Variants in FAM107B observed in about 807,000 individuals in gnomAD.
FAM107B encodes the protein protein FAM107B.
Under a neutral mutation model 31.5 loss-of-function variants are expected in FAM107B, and 21 were observed. That is an observed-to-expected ratio of 0.67 (90% CI 0.47 to 0.96). FAM107B has a LOEUF of 0.96. Ranked by LOEUF, FAM107B falls within the 40% of genes least tolerant of loss-of-function variation. FAM107B has a pLI of 0.00. For missense variants in FAM107B, 452 were observed against 377.1 expected (o/e 1.20, Z -1.64); for synonymous variants, 157 against 141.5 (o/e 1.11, Z -0.78).
intron 1 of FAM107B, among the ~76,000 whole-genome samples, chr10:14,691,640 T>C (rs1156654449): frequency 1.3e-5 from 2 of 152,152 alleles, no homozygotes; most frequent in Admixed American, 1.3e-4. Flanking sequence ...ATGCCTGTAA[T>C]CCTAGCCCTT....
chr10:14,641,755 T>C (rs572834978), intron 2 of FAM107B, among the ~76,000 whole-genome samples: 10 of 152,316 alleles, frequency 6.6e-5, no homozygotes, highest in African/African-American at 2.2e-4. Flanking sequence ...CATTGAGGAT[T>C]AGGGCTTCCA....
intron 1 of FAM107B, among the ~76,000 whole-genome samples, chr10:14,697,746 T>C (rs1451787230): frequency 6.6e-6 from 1 of 152,222 alleles, no homozygotes; most frequent in Non-Finnish European, 1.5e-5. Context: ...CTACCTAGAC[T>C]GTTTCTACAA....
rs527966603 is a variant in FAM107B at position 14,522,157 on chromosome 10, C to T, written c.654-138G>A. ...ATGATACCTACTAGGCTACAGCAGG[C>T]AACATGGTGATCTAAGAAATTCACC... On this transcript the variant is annotated intron_variant, in intron 3 of 4. Coordinates refer to ENST00000181796, the MANE Select transcript of FAM107B (RefSeq NM_031453.4). The T allele has an allele frequency of 5.7e-5, 63 of 1,096,864 alleles. No individual in the cohort carries two copies. In the Admixed American group the frequency reaches 1.4e-3, roughly 24 times the overall value. The allele number at this position is 1,096,864 out of a possible 1,614,324, so 67.9% of individuals were successfully genotyped here. A position where few individuals can be genotyped will look rare whatever the true frequency, so the allele number is the denominator to read the frequency against.
intron 2 of FAM107B, among the ~76,000 whole-genome samples, chr10:14,534,269 C>A (rs115981899): frequency 3.9e-5 from 6 of 152,022 alleles, no homozygotes; most frequent in Non-Finnish European, 7.4e-5. Context: ...AGGGGGTGAA[C>A]GGGCCGGAGC....
chr10:14,654,463 T>C lies in FAM107B; in HGVS notation c.469+13171A>G, dbSNP rs187165502. Among the ~76,000 whole-genome samples the C allele has an allele frequency of 2.1e-3, 324 of 152,366 alleles. 1 individual carries two copies. The highest frequency in any genetic ancestry group is 3.7e-3 in the Non-Finnish European group (253 of 68,034). ...TTGGAGAAAGGTCTTTAGTAACATATTGCTGTTGCGTTTTATTATCTCTTG... is the reference window on the plus strand; with the variant it reads ...TTGGAGAAAGGTCTTTAGTAACATACTGCTGTTGCGTTTTATTATCTCTTG... On this transcript the variant is annotated intron_variant, in intron 2 of 4. Transcript: ENST00000181796.
At chr10:14,770,479 C>G (rs1473325949) in intron 1 of FAM107B, among the ~76,000 whole-genome samples, 1 of 152,028 alleles carries the variant, frequency 6.6e-6, no homozygotes, top group Non-Finnish European at 1.5e-5. Context: ...GCCGAGATCG[C>G]ACCACTACAC....
At chr10:14,724,089 C>G (rs1855975049) in intron 1 of FAM107B, 1 of 619,704 alleles carries the variant, frequency 1.6e-6, no homozygotes, top group African/African-American at 1.8e-5. Flanking sequence ...TGATGGGAAT[C>G]CAGAACAATG....
Position 14,667,703 on chromosome 10 carries a change from C to G in FAM107B, c.412-12G>C, listed in dbSNP as rs995445702. ...CGAAATTCTTCTTCCTAAGCGCCAGCCCCATAAACCAGAAAAGCAGGGAGA... is the reference window on the plus strand; with the variant it reads ...CGAAATTCTTCTTCCTAAGCGCCAGGCCCATAAACCAGAAAAGCAGGGAGA... On this transcript the variant is annotated splice_polypyrimidine_tract_variant and intron_variant, in intron 1 of 4. Transcript: ENST00000181796. 22 of 1,613,622 alleles carry G rather than the reference C, an allele frequency of 1.4e-5. No individual in the cohort carries two copies. The highest frequency in any genetic ancestry group is 1.9e-5 in the Non-Finnish European group (22 of 1,179,830).
At chr10:14,717,988 A>T (rs549299721) in intron 1 of FAM107B, among the ~76,000 whole-genome samples, 5 of 152,318 alleles carry the variant, frequency 3.3e-5, no homozygotes, top group African/African-American at 1.2e-4. Context: ...AGCTAACAAA[A>T]GATCATGTTT....
intron 2 of FAM107B, among the ~76,000 whole-genome samples, chr10:14,631,892 G>A (rs1463930435): frequency 1.3e-5 from 2 of 152,178 alleles, no homozygotes; most frequent in East Asian, 3.9e-4. Flanking sequence ...CGAGCATTAA[G>A]CCAAGTGACG....
intron 1 of FAM107B, among the ~76,000 whole-genome samples, chr10:14,697,750 T>A (rs1158684448): frequency 6.6e-6 from 1 of 152,220 alleles, no homozygotes; most frequent in African/African-American, 2.4e-5. Context: ...CTAGACTGTT[T>A]CTACAATGTT....
At chr10:14,688,847 T>C (rs1855053795) in intron 1 of FAM107B, among the ~76,000 whole-genome samples, 1 of 152,352 alleles carries the variant, frequency 6.6e-6, no homozygotes, top group South Asian at 2.1e-4. Context: ...AATCCATCCA[T>C]GCCCTTTGAC....
intron 1 of FAM107B, among the ~76,000 whole-genome samples, chr10:14,769,557 T>G (rs921608197): frequency 6.6e-6 from 1 of 152,128 alleles, no homozygotes; most frequent in Non-Finnish European, 1.5e-5. Context: ...GCTAATTTTT[T>G]GTATTTTTAG....
At chr10:14,770,779 A>G (rs1401725755) in intron 1 of FAM107B, among the ~76,000 whole-genome samples, 2 of 152,152 alleles carry the variant, frequency 1.3e-5, no homozygotes, top group South Asian at 4.1e-4. Flanking sequence ...CAATACAGAC[A>G]TGTGCGCTCA....
At chr10:14,621,419 C>T (rs976111121) in intron 2 of FAM107B, among the ~76,000 whole-genome samples, 2 of 152,170 alleles carry the variant, frequency 1.3e-5, no homozygotes, top group Non-Finnish European at 2.9e-5. Flanking sequence ...CTATAATATT[C>T]CCTTTGGATG....
intron 2 of FAM107B, among the ~76,000 whole-genome samples, chr10:14,598,549 G>C (rs1388138336): frequency 6.6e-6 from 1 of 152,114 alleles, no homozygotes; most frequent in Non-Finnish European, 1.5e-5. Flanking sequence ...GACTGCAGTG[G>C]GGGAAAATGG....
chr10:14,634,727 T>C (rs1853452842), intron 2 of FAM107B, among the ~76,000 whole-genome samples: 2 of 152,176 alleles, frequency 1.3e-5, no homozygotes, highest in Admixed American at 6.5e-5. Flanking sequence ...GCTTTTAGCC[T>C]GAAGTCAGAT....
At chr10:14,695,999 G>T (rs543601382) in intron 1 of FAM107B, among the ~76,000 whole-genome samples, 1 of 152,196 alleles carries the variant, frequency 6.6e-6, no homozygotes, top group East Asian at 1.9e-4. Flanking sequence ...GCTCTTGCTG[G>T]TACTTCCAGT....
chr10:14,672,129 G>A (rs1175235044), intron 1 of FAM107B, among the ~76,000 whole-genome samples: 1 of 143,358 alleles, frequency 7.0e-6, no homozygotes, highest in Non-Finnish European at 1.5e-5. Flanking sequence ...GCAAAGTCTT[G>A]CTCTGTTGCC....
Sources: allele counts gnomAD v4.1 joint callset (sites outside exome capture counted in the v4.1 genomes callset), GRCh38; gene constraint gnomAD v4.1.1; transcripts MANE v1.5; gene names NCBI Gene and HGNC (gene_info 2026-07-23, HGNC 2026-07-21).